Variants in DCDC1 observed in about 807,000 individuals in gnomAD.
DCDC1 encodes doublecortin domain containing 1, also known as doublecortin domain-containing protein 1.
A neutral mutation model predicts 178.3 loss-of-function variants in DCDC1; 200 were observed. That is an observed-to-expected ratio of 1.12 (90% CI 1.00 to 1.26). The LOEUF (loss-of-function observed/expected upper bound fraction) is 1.26, where lower values mean the gene tolerates loss of function less well. Among genes scored for constraint, DCDC1 ranks in the 50% most tolerant of loss-of-function variants. The pLI, the probability that DCDC1 is intolerant of heterozygous loss-of-function variation, is 0.00. For missense variants in DCDC1, 1,983 were observed against 1,749.2 expected (o/e 1.13, Z -2.38); for synonymous variants, 690 against 604.8 (o/e 1.14, Z -2.07).
At chr11:30,955,233 A>G (rs1948698604) in intron 20 of DCDC1, among the ~76,000 whole-genome samples, 1 of 152,152 alleles carries the variant, frequency 6.6e-6, no homozygotes, top group Non-Finnish European at 1.5e-5. Context: ...TCTCATAGCC[A>G]TATCTAGTTT....
chr11:31,311,699 A>C (rs1239007077), intron 3 of DCDC1, among the ~76,000 whole-genome samples: 4 of 152,202 alleles, frequency 2.6e-5, no homozygotes, highest in African/African-American at 9.7e-5. Context: ...TAAAGATGCC[A>C]ATCTTGAGGG....
chr11:30,869,472 G>T (rs896361022), intron 38 of DCDC1, among the ~76,000 whole-genome samples: 1 of 152,146 alleles, frequency 6.6e-6, no homozygotes. Context: ...ATTCATGAAC[G>T]CCTGCTATGT....
At chr11:31,057,189 G>A (rs982987589) in intron 20 of DCDC1, among the ~76,000 whole-genome samples, 6 of 145,248 alleles carry the variant, frequency 4.1e-5, no homozygotes, top group Non-Finnish European at 6.0e-5. Context: ...AACCGAGATG[G>A]CACCACTGTA....
rs138811456 is a variant in DCDC1 at position 30,988,262 on chromosome 11, A to G, written c.2592-35694T>C. On this transcript the variant is annotated intron_variant, in intron 20 of 38. Coordinates refer to ENST00000684477, the MANE Select transcript of DCDC1 (RefSeq NM_001387274.1). ...AATGGATGATGGTGCCTGAGAGTAC[A>G]GTTTAGTGAAAATCAAAATAAATGG... Among the ~76,000 whole-genome samples, 101 of 152,302 alleles carry G rather than the reference A, an allele frequency of 6.6e-4. 1 individual carries two copies. Among genetic ancestry groups the G allele is most frequent in the African/African-American group, 2.1e-3 (89 of 41,564 alleles).
At chr11:31,306,105 T>C in intron 5 of DCDC1, 127 bp downstream of exon 5, 1 of 965,058 alleles carries the variant, frequency 1.0e-6, no homozygotes, top group African/African-American at 1.7e-5. Flanking sequence ...AATCTACGTA[T>C]ATATAAGCAA....
chr11:30,899,481 A>G, intron 34 of DCDC1, 60 bp downstream of exon 34: 1 of 1,107,602 alleles, frequency 9.0e-7, no homozygotes. Context: ...AATAACCATT[A>G]GCAATTTGGG....
intron 9 of DCDC1, among the ~76,000 whole-genome samples, chr11:31,142,154 C>T (rs1963899610): frequency 1.3e-5 from 2 of 152,156 alleles, no homozygotes; most frequent in Middle Eastern, 3.4e-3. Flanking sequence ...ATATGGATGT[C>T]CAGAAAACTC....
At chr11:30,943,777 T>G (rs916644488) in intron 21 of DCDC1, 5 of 332,986 alleles carry the variant, frequency 1.5e-5, no homozygotes, top group African/African-American at 1.1e-4. Flanking sequence ...TAAATGCTGT[T>G]TGTTCATAAA....
intron 21 of DCDC1, among the ~76,000 whole-genome samples, chr11:30,949,618 A>G (rs1948285338): frequency 6.6e-6 from 1 of 152,220 alleles, no homozygotes; most frequent in African/African-American, 2.4e-5. Context: ...ATGCCCATCA[A>G]TGATAGACTG....
chr11:31,305,159 T>C (rs1948371590), intron 6 of DCDC1, among the ~76,000 whole-genome samples: 1 of 152,152 alleles, frequency 6.6e-6, no homozygotes, highest in South Asian at 2.1e-4. Flanking sequence ...ATAAGAAATG[T>C]ATGTTCATTA....
chr11:31,079,889 A>G (rs1957075980), intron 17 of DCDC1, among the ~76,000 whole-genome samples: 1 of 152,188 alleles, frequency 6.6e-6, no homozygotes, highest in Non-Finnish European at 1.5e-5. Context: ...GGAAAATGAA[A>G]TGAGAATGGA....
At chr11:31,143,828 T>G (rs1241478113) in intron 9 of DCDC1, among the ~76,000 whole-genome samples, 1 of 152,214 alleles carries the variant, frequency 6.6e-6, no homozygotes, top group Non-Finnish European at 1.5e-5. Context: ...CTGCCATAAA[T>G]TAGCCCTAAG....
chr11:31,031,534 G>C (rs1953644125), intron 20 of DCDC1, among the ~76,000 whole-genome samples: 1 of 152,048 alleles, frequency 6.6e-6, no homozygotes, highest in East Asian at 1.9e-4. Context: ...TACTGAAAAT[G>C]TGTCCTACAG....
At chr11:31,214,704 T>C (rs1973319395) in intron 9 of DCDC1, among the ~76,000 whole-genome samples, 1 of 152,206 alleles carries the variant, frequency 6.6e-6, no homozygotes, top group Admixed American at 6.5e-5. Flanking sequence ...AATTGGTCTT[T>C]AGAAATTACA....
In DCDC1 at chr11:31,139,000, G is replaced by T. The variant is rs1231530800; in HGVS notation, c.1222-1216C>A. Among the ~76,000 whole-genome samples the T allele has an allele frequency of 2.0e-5, 3 of 151,790 alleles. 1 individual carries two copies. The highest frequency in any genetic ancestry group is 4.4e-5 in the Non-Finnish European group (3 of 67,964). The stretch of plus-strand genomic sequence containing the variant: ...GAGTTGGGAAATGTTTCTGTAAAGG[G>T]CCAGATCGTAAATATTTTAGGCTTT... On this transcript the variant is annotated intron_variant, in intron 9 of 38. Coordinates refer to ENST00000684477, the MANE Select transcript of DCDC1 (RefSeq NM_001387274.1).
At chr11:31,346,243 C>G (rs1336828756) in intron 1 of DCDC1, among the ~76,000 whole-genome samples, 1 of 151,730 alleles carries the variant, frequency 6.6e-6, no homozygotes, top group African/African-American at 2.4e-5. Flanking sequence ...GGGTGGATCA[C>G]AAGGTCAGGA....
chr11:30,976,964 A>C (rs1441483283), intron 20 of DCDC1, among the ~76,000 whole-genome samples: 2 of 152,208 alleles, frequency 1.3e-5, no homozygotes, highest in Non-Finnish European at 2.9e-5. Flanking sequence ...CGACAAAGAA[A>C]ATGTGGAGTA....
rs564865173 is a variant in DCDC1 at position 31,244,836 on chromosome 11, T to C, written c.1055-3220A>G. 5.9e-5 allele frequency among the ~76,000 whole-genome samples: 9 copies of C among 151,858 alleles called. No individual in the cohort carries two copies. The South Asian group carries it at 1.5e-3, about 24-fold the overall frequency. On this transcript the variant is annotated intron_variant, in intron 8 of 38. Transcript: ENST00000684477. ...TTTGTTTCATCTCAAGTTATGACTA[T>C]AGGGCAAAATTAAAATTAATCCAAT... is the stretch of plus-strand genomic sequence containing the variant.
In DCDC1 at chr11:30,908,922, C is replaced by T. The variant is rs1427984357; in HGVS notation, c.3918+24G>A. 8 of 1,550,694 alleles carry T rather than the reference C, an allele frequency of 5.2e-6. No individual in the cohort carries two copies. In the Admixed American group the frequency reaches 5.8e-5, roughly 11 times the overall value. On this transcript the variant is annotated intron_variant, in intron 29 of 38. Transcript: ENST00000684477. Reference sequence around the variant, plus strand: ...CTCTTTTACCCTATTTTTCTTTTATCTTTGAGAGGAAGGAACCACTTACTG... The same window carrying T: ...CTCTTTTACCCTATTTTTCTTTTATTTTTGAGAGGAAGGAACCACTTACTG...
Sources: gnomAD v4.1 joint callset for allele counts (sites outside exome capture counted in the v4.1 genomes callset) on GRCh38, gnomAD v4.1.1 for gene constraint, MANE v1.5 for transcripts, NCBI Gene and HGNC (gene_info 2026-07-23, HGNC 2026-07-21) for gene names.